CDK6: variants seen among roughly 807,000 people sequenced by gnomAD.
CDK6 encodes the protein cyclin-dependent kinase 6.
In CDK6, 6 loss-of-function variants were observed where a neutral mutation model predicts 37.1. That is an observed-to-expected ratio of 0.16 (90% confidence interval 0.09 to 0.32). The LOEUF (loss-of-function observed/expected upper bound fraction) is 0.32, where lower values mean the gene tolerates loss of function less well. Among genes scored for constraint, CDK6 ranks in the 10% least tolerant of loss-of-function variants. The probability of loss-of-function intolerance (pLI) is 1.00; values close to 1 mark genes in which losing one functional copy is unlikely to be tolerated. For missense variants in CDK6, 224 were observed against 418.9 expected (o/e 0.53, Z 4.06); for synonymous variants, 160 against 161.3 (o/e 0.99, Z 0.06).
chr7:92,708,996 AT>A (rs1446411416), intron 4 of CDK6, among the ~76,000 whole-genome samples: 1 of 152,138 alleles, frequency 6.6e-6, no homozygotes, highest in Non-Finnish European at 1.5e-5. Context: ...AAATAAATAT[AT>A]TTTTATTTCT....
chr7:92,796,045 A>G (rs1489035495), intron 2 of CDK6, among the ~76,000 whole-genome samples: 3 of 151,532 alleles, frequency 2.0e-5, no homozygotes, highest in Non-Finnish European at 2.9e-5. Flanking sequence ...TGCTACCTAA[A>G]TGGAGGACAA....
Position 92,612,615 on chromosome 7 carries a change from C to A in CDK6, c.*2525G>T, listed in dbSNP as rs1015777651. The stretch of plus-strand genomic sequence containing the variant: ...GTGTCATCAGAAGATAATCTGCCAA[C>A]GATTGAATGCCAGAATGTTTGTGCT... On this transcript the variant is annotated 3_prime_UTR_variant, in exon 8 of 8. Transcript: ENST00000424848. The A allele has an allele frequency of 4.3e-6, 1 of 232,978 alleles. No homozygotes were observed. Among genetic ancestry groups the A allele is most frequent in the East Asian group, 6.0e-5 (1 of 16,556 alleles). The allele number at this position is 232,978 out of a possible 1,614,324, so 14.4% of individuals were successfully genotyped here.
chr7:92,733,597 C>G (rs1026760976), intron 3 of CDK6, among the ~76,000 whole-genome samples: 1 of 152,022 alleles, frequency 6.6e-6, no homozygotes, highest in Non-Finnish European at 1.5e-5. Flanking sequence ...TTTAATGGTT[C>G]TATATTTTTC....
At chr7:92,754,519 CAT>C (rs1204611661) in intron 3 of CDK6, among the ~76,000 whole-genome samples, 6 of 152,162 alleles carry the variant, frequency 3.9e-5, no homozygotes, top group African/African-American at 1.4e-4. Context: ...TTGGAACAAA[CAT>C]AATTTCACAC....
At chr7:92,732,391 T>C (rs895203153) in intron 3 of CDK6, among the ~76,000 whole-genome samples, 1 of 152,218 alleles carries the variant, frequency 6.6e-6, no homozygotes, top group Non-Finnish European at 1.5e-5. Flanking sequence ...CACCCCAGCC[T>C]GGGCGACAGC....
intron 3 of CDK6, among the ~76,000 whole-genome samples, chr7:92,762,909 A>T (rs566213559): frequency 6.6e-6 from 1 of 152,272 alleles, no homozygotes; most frequent in Admixed American, 6.5e-5. Context: ...TTCCAGATTG[A>T]TCTAAATCTG....
At chr7:92,763,554 A>C (rs1799508388) in intron 3 of CDK6, among the ~76,000 whole-genome samples, 1 of 152,234 alleles carries the variant, frequency 6.6e-6, no homozygotes, top group Non-Finnish European at 1.5e-5. Context: ...TTTAATTTAT[A>C]TCTCCTATTA....
chr7:92,807,098 C>T (rs541816220), intron 2 of CDK6, among the ~76,000 whole-genome samples: 1 of 152,158 alleles, frequency 6.6e-6, no homozygotes, highest in African/African-American at 2.4e-5. Context: ...TCCTCTGTTC[C>T]CCTTAACCTC....
In CDK6 at chr7:92,677,760, T is replaced by C. The variant is rs1212939593; in HGVS notation, c.538-6225A>G. ...ATTTACTTGGCTGTTCTATAATTTC[T>C]GAACCACAGTCTTTCAGTCCCTACA... On this transcript the variant is annotated intron_variant, in intron 4 of 7. Coordinates refer to ENST00000424848, the MANE Select transcript of CDK6 (RefSeq NM_001145306.2). Among the ~76,000 whole-genome samples the C allele has an allele frequency of 8.5e-5, 13 of 152,380 alleles. No individual in the cohort carries two copies. In the South Asian group the frequency reaches 2.7e-3, roughly 32 times the overall value.
chr7:92,771,747 T>A (rs974014414), intron 3 of CDK6, among the ~76,000 whole-genome samples: 2 of 152,326 alleles, frequency 1.3e-5, no homozygotes, highest in East Asian at 3.9e-4. Flanking sequence ...ACGAGTATAG[T>A]CAGAGAAGCT....
rs1200123700 is a variant in CDK6 at position 92,774,736 on chromosome 7, T to C, written c.329A>G (p.Asp110Gly). 6.2e-7 allele frequency: 1 copy of C among 1,610,994 alleles called. No individual in the cohort carries two copies. Among genetic ancestry groups the C allele is most frequent in the African/African-American group, 1.3e-5 (1 of 74,740 alleles). Residue 110 changes from aspartate (D) to glycine (G), a missense_variant, in exon 3 of 8, where the codon GAT becomes GGT. Asp to Gly is a moderately conservative substitution (Grantham distance 94, BLOSUM62 -1). This residue lies in a region of CDK6 where 82 missense variants were observed against 202.1 expected (regional missense o/e 0.41). Transcript: ENST00000424848. ...GGGCACTCCAGGCTCTGGAACTTTA[T>C]CCAAGTAAGTGGTCAAGTCTTGATC... ...HVDQDLTTYLDKVPEPGVPTE... is the reference protein window; with the variant it reads ...HVDQDLTTYLGKVPEPGVPTE...
At chr7:92,762,569 C>T (rs1076218) in intron 3 of CDK6, among the ~76,000 whole-genome samples, 26,594 of 149,570 alleles carry the variant, frequency 0.18, 3,193 homozygotes, top group African/African-American at 0.34. Flanking sequence ...TCATAGAACA[C>T]CTTTTTTTTT....
At chr7:92,741,078 C>A (rs1198162582) in intron 3 of CDK6, among the ~76,000 whole-genome samples, 1 of 152,104 alleles carries the variant, frequency 6.6e-6, no homozygotes, top group Non-Finnish European at 1.5e-5. Context: ...ATGAAGACAG[C>A]TAAAATATCC....
rs1205291359 is a variant in CDK6, at chr7:92,834,801, G to A, written c.-367-1111C>T. 6.6e-6 allele frequency among the ~76,000 whole-genome samples: 1 copy of A among 152,034 alleles called. No homozygotes were observed. Among genetic ancestry groups the A allele is most frequent in the African/African-American group, 2.4e-5 (1 of 41,380 alleles). On this transcript the variant is annotated intron_variant, in intron 1 of 7. Coordinates refer to ENST00000424848, the MANE Select transcript of CDK6 (RefSeq NM_001145306.2). The surrounding 1 kb of genome is among the most constrained non-coding windows in gnomAD (Gnocchi z 4.6). ...CTCCCCGCTGTAGGTAGCAGAGGTG[G>A]CTGCCCCATTCCCCCTCCGGCTAAA...
intron 2 of CDK6, among the ~76,000 whole-genome samples, chr7:92,779,677 C>T (rs969634893): frequency 1.3e-5 from 2 of 152,156 alleles, no homozygotes; most frequent in African/African-American, 4.8e-5. Flanking sequence ...TCCTACAGAC[C>T]TAGTACTCCA....
intron 2 of CDK6, among the ~76,000 whole-genome samples, chr7:92,793,835 G>T (rs571791123): frequency 1.3e-5 from 2 of 152,052 alleles, no homozygotes; most frequent in Non-Finnish European, 2.9e-5. Flanking sequence ...TAGATTAGTG[G>T]CTGCCTAAGG....
chr7:92,735,294 C>T (rs191578454), intron 3 of CDK6, among the ~76,000 whole-genome samples: 3 of 152,078 alleles, frequency 2.0e-5, no homozygotes, highest in Non-Finnish European at 2.9e-5. Context: ...ATTTTAGAAT[C>T]GGGGGTATAT....
At chr7:92,632,762 A>C (rs1353906529) in intron 5 of CDK6, among the ~76,000 whole-genome samples, 2 of 151,850 alleles carry the variant, frequency 1.3e-5, no homozygotes, top group African/African-American at 4.9e-5. Context: ...TGTATCCACA[A>C]AAATTAAAAA....
At chr7:92,633,716 T>C (rs918706366) in intron 5 of CDK6, among the ~76,000 whole-genome samples, 2 of 152,020 alleles carry the variant, frequency 1.3e-5, no homozygotes, top group Non-Finnish European at 2.9e-5. Flanking sequence ...GAAGTATTTA[T>C]AGCATAATGT....
Sources: gnomAD v4.1 joint callset for allele counts (sites outside exome capture counted in the v4.1 genomes callset) on GRCh38, gnomAD v4.1.1 for gene constraint, gnomAD v4.1.1 regional missense constraint, Gnocchi (gnomAD v3.1) non-coding constraint, MANE v1.5 for transcripts, NCBI Gene and HGNC (gene_info 2026-07-23, HGNC 2026-07-21) for gene names.